Variants in SAMD12 observed in about 807,000 individuals in gnomAD.
SAMD12 encodes the protein sterile alpha motif domain-containing protein 12.
SAMD12 carries 9 observed loss-of-function variants against 15.0 expected under a neutral mutation model. The ratio of observed to expected loss-of-function variants is 0.60; its 90% confidence interval spans 0.36 to 1.05. SAMD12 has a LOEUF of 1.05. Among genes scored for constraint, SAMD12 ranks in the 50% least tolerant of loss-of-function variants. The pLI is 0.01. For missense variants in SAMD12, 230 were observed against 234.2 expected (o/e 0.98, Z 0.12); for synonymous variants, 86 against 90.1 (o/e 0.96, Z 0.25).
At chr8:118,164,975 A>ATGTGTGTGTGTGTGTG in the SAMD12 span, among the ~76,000 whole-genome samples, 63 of 144,226 alleles carry the variant, frequency 4.4e-4, no homozygotes, top group African/African-American at 1.6e-3. Context: ...CTGACACTAG[A>ATGTGTGTGTGTGTGTG]TGTGTGTGTG....
At chr8:118,468,344 C>A (rs1461558850) in intron 2 of SAMD12, among the ~76,000 whole-genome samples, 1 of 152,042 alleles carries the variant, frequency 6.6e-6, no homozygotes, top group African/African-American at 2.4e-5. Flanking sequence ...AGTTTTCTTA[C>A]GTTCACAAAA....
intron 1 of SAMD12, among the ~76,000 whole-genome samples, chr8:118,601,657 C>T (rs769689820): frequency 6.6e-6 from 1 of 152,184 alleles, no homozygotes; most frequent in Non-Finnish European, 1.5e-5. Context: ...TGATCCCTCC[C>T]TAAGAATGGG....
At chr8:118,475,095 C>T (rs371064158) in intron 2 of SAMD12, among the ~76,000 whole-genome samples, 10 of 152,074 alleles carry the variant, frequency 6.6e-5, no homozygotes, top group Admixed American at 2.0e-4. Flanking sequence ...AAAAATTAGC[C>T]GGGCATGGTG....
intron 3 of SAMD12, among the ~76,000 whole-genome samples, chr8:118,414,600 A>G (rs1352543155): frequency 6.6e-6 from 1 of 152,214 alleles, no homozygotes; most frequent in African/African-American, 2.4e-5. Flanking sequence ...CCATCATTGT[A>G]ATAGACTTGT....
intron 4 of SAMD12, among the ~76,000 whole-genome samples, chr8:118,248,619 C>T (rs2130001712): frequency 7.0e-6 from 1 of 142,468 alleles, no homozygotes; most frequent in Admixed American, 7.3e-5. Context: ...AAAATGATTA[C>T]TGAATAGATG....
intron 3 of SAMD12, among the ~76,000 whole-genome samples, chr8:118,432,902 C>A (rs9643129): frequency 6.6e-6 from 1 of 151,938 alleles, no homozygotes; most frequent in African/African-American, 2.4e-5. Context: ...CTGCCACTGC[C>A]GCCATCACCA....
chr8:118,573,341 C>T (rs1827069576), intron 2 of SAMD12, among the ~76,000 whole-genome samples: 1 of 152,190 alleles, frequency 6.6e-6, no homozygotes, highest in Admixed American at 6.5e-5. Flanking sequence ...CCATCTCGGC[C>T]TCCCAAAGTG....
chr8:118,401,988 TTA>T (rs1468520559), intron 3 of SAMD12, among the ~76,000 whole-genome samples: 3 of 152,206 alleles, frequency 2.0e-5, no homozygotes, highest in South Asian at 4.1e-4. Flanking sequence ...TCCTTATAAA[TTA>T]TATGTTAAGC....
At chr8:118,174,265 T>C in the SAMD12 span, among the ~76,000 whole-genome samples, 482 of 152,334 alleles carry the variant, frequency 3.2e-3, 3 homozygotes, top group African/African-American at 0.011. Flanking sequence ...ACCTGTTTAA[T>C]GTCCCCAGTG....
In SAMD12 at chr8:118,439,860, ACTG is replaced by A. The variant is rs1183284019; in HGVS notation, c.291_293del (p.Ser98del). On this transcript the variant is annotated inframe_deletion, in exon 3 of 4. Transcript: ENST00000314727. Reference sequence around the variant, plus strand: ...TTATGTCATGCTGTTTGAATGACTCACTGTAGATCTGATACTGATTCGGACAAT... The same window carrying A: ...TTATGTCATGCTGTTTGAATGACTCATAGATCTGATACTGATTCGGACAAT... 2 of 1,613,374 alleles carry A rather than the reference ACTG, an allele frequency of 1.2e-6. No homozygotes were observed. The highest frequency in any genetic ancestry group is 1.7e-6 in the Non-Finnish European group (2 of 1,179,488).
At chr8:118,450,766 G>A (rs748346281) in intron 2 of SAMD12, among the ~76,000 whole-genome samples, 3 of 152,182 alleles carry the variant, frequency 2.0e-5, no homozygotes, top group Admixed American at 6.5e-5. Context: ...GTAGAAGGGA[G>A]CCATGTGGCT....
intron 4 of SAMD12, among the ~76,000 whole-genome samples, chr8:118,314,513 C>T (rs1423689165): frequency 2.0e-5 from 3 of 152,150 alleles, no homozygotes; most frequent in Admixed American, 2.0e-4. Flanking sequence ...TACAGGATTT[C>T]CTTGTGCTAT....
intron 2 of SAMD12, among the ~76,000 whole-genome samples, chr8:118,469,996 C>G (rs151266750): frequency 1.3e-5 from 2 of 152,034 alleles, no homozygotes; most frequent in Admixed American, 6.6e-5. Context: ...TATATACACA[C>G]GCACATACAT....
chr8:118,445,766 C>T (rs555382779), intron 2 of SAMD12, among the ~76,000 whole-genome samples: 1 of 152,228 alleles, frequency 6.6e-6, no homozygotes, highest in African/African-American at 2.4e-5. Flanking sequence ...AATTTTGATG[C>T]TAATCTCTTC....
chr8:118,337,578 CA>C (rs1817146746), intron 4 of SAMD12, among the ~76,000 whole-genome samples: 1 of 152,096 alleles, frequency 6.6e-6, no homozygotes, highest in African/African-American at 2.4e-5. Context: ...AGTTACATAC[CA>C]TTCTAAAGGA....
chr8:118,353,681 G>C (rs1563788206), intron 4 of SAMD12, among the ~76,000 whole-genome samples: 1 of 152,054 alleles, frequency 6.6e-6, no homozygotes, highest in African/African-American at 2.4e-5. Flanking sequence ...ATTAAGGGGG[G>C]AAAATAACAG....
intron 4 of SAMD12, among the ~76,000 whole-genome samples, chr8:118,272,572 C>T (rs1242206930): frequency 1.3e-5 from 2 of 152,142 alleles, no homozygotes; most frequent in East Asian, 1.9e-4. Context: ...TCTGTTGCAT[C>T]GTCATGCTGC....
At chr8:118,289,889 T>C (rs768385991) in intron 4 of SAMD12, among the ~76,000 whole-genome samples, 1 of 152,196 alleles carries the variant, frequency 6.6e-6, no homozygotes, top group Non-Finnish European at 1.5e-5. Context: ...GGGTTCCAAA[T>C]GTAACTAGAT....
chr8:118,247,053 A>G (rs973320419), intron 4 of SAMD12, among the ~76,000 whole-genome samples: 9 of 152,130 alleles, frequency 5.9e-5, no homozygotes, highest in Admixed American at 2.0e-4. Context: ...GGATAAGATT[A>G]CAGGAAGCAA....
Sources: allele counts gnomAD v4.1 joint callset (sites outside exome capture counted in the v4.1 genomes callset), GRCh38; gene constraint gnomAD v4.1.1; transcripts MANE v1.5; gene names NCBI Gene and HGNC (gene_info 2026-07-23, HGNC 2026-07-21).